TTLL6: variants seen among roughly 807,000 people sequenced by gnomAD.
TTLL6 encodes tubulin tyrosine ligase like 6, also known as tubulin polyglutamylase TTLL6.
Under a neutral mutation model 96.4 loss-of-function variants are expected in TTLL6, and 75 were observed. That is an observed-to-expected ratio of 0.78 (90% CI 0.65 to 0.94). The LOEUF is 0.94. Ranked by LOEUF, TTLL6 falls within the 40% of genes least tolerant of loss-of-function variation. The pLI, the probability that TTLL6 is intolerant of heterozygous loss-of-function variation, is 0.00. For missense variants in TTLL6, 1,030 were observed against 1,093.0 expected, an observed-to-expected ratio of 0.94 and a Z score of 0.81; for synonymous variants, 411 against 419.4, an observed-to-expected ratio of 0.98 and a Z score of 0.24.
chr17:48,804,618 A>T, intron 2 of TTLL6, 154 bp downstream of exon 2: 1 of 686,946 alleles, frequency 1.5e-6, no homozygotes, highest in Non-Finnish European at 2.6e-6. Flanking sequence ...TCGAAAGTAG[A>T]TTCTTTTTAT....
chr17:48,805,740 A>C (rs760502057), intron 1 of TTLL6, among the ~76,000 whole-genome samples: 4 of 152,220 alleles, frequency 2.6e-5, no homozygotes, highest in African/African-American at 4.8e-5. Context: ...TGGGAGGCCA[A>C]GGCGGGCAGA....
intron 6 of TTLL6, among the ~76,000 whole-genome samples, chr17:48,798,551 A>G (rs1296542103): frequency 6.6e-6 from 1 of 152,040 alleles, no homozygotes; most frequent in Non-Finnish European, 1.5e-5. Context: ...TGAGCAACAG[A>G]GTGAGGCTCT....
At chr17:48,778,767 T>G (rs1809763395) in intron 13 of TTLL6, among the ~76,000 whole-genome samples, 1 of 151,950 alleles carries the variant, frequency 6.6e-6, no homozygotes, top group Admixed American at 6.6e-5. Flanking sequence ...CCGTCTCTAC[T>G]AAAAATACAA....
chr17:48,815,947 G>C (rs1433463080), intron 1 of TTLL6: 1 of 152,196 alleles, frequency 6.6e-6, no homozygotes, highest in African/African-American at 2.4e-5. Flanking sequence ...AGATGGATCT[G>C]GATCCAAATC....
chr17:48,763,155 C>T (rs1359912799), intron 15 of TTLL6, among the ~76,000 whole-genome samples, 182 bp from the exon 16 acceptor site: 1 of 140,788 alleles, frequency 7.1e-6, no homozygotes, highest in Non-Finnish European at 1.6e-5. Context: ...AGCCTTCTTG[C>T]CTGAAATATT....
At position 48,773,296 on chromosome 17, in the gene TTLL6, A is replaced by G. The variant is rs2038788528; in HGVS notation, c.2041-3199T>C. ...GCAGCAAAAGATTTTGAATAATGGC[A>G]ATAAATTTCTCAAATTTGGTGAAAG... On this transcript the variant is annotated intron_variant, in intron 13 of 15. Coordinates refer to ENST00000393382, the MANE Select transcript of TTLL6 (RefSeq NM_001130918.3). Among the ~76,000 whole-genome samples the G allele has an allele frequency of 2.0e-5, 3 of 152,352 alleles. No homozygotes were observed. In the South Asian group the frequency reaches 6.2e-4, roughly 32 times the overall value.
At chr17:48,764,631 T>C (rs953258) in intron 15 of TTLL6, among the ~76,000 whole-genome samples, 42,572 of 152,016 alleles carry the variant, frequency 0.28, 7,090 homozygotes, top group South Asian at 0.39. Flanking sequence ...TCAACCATTA[T>C]TTATTGTGCA....
At chr17:48,788,693 T>C (rs1430444036) in intron 10 of TTLL6, among the ~76,000 whole-genome samples, 1 of 152,176 alleles carries the variant, frequency 6.6e-6, no homozygotes, top group Admixed American at 6.5e-5. Context: ...AGCTGTCATT[T>C]ACCAGCAGGG....
In TTLL6 at chr17:48,787,945, A is replaced by G. The variant is rs536053445; in HGVS notation, c.1455T>C (p.Tyr485=). 5.0e-6 allele frequency: 8 copies of G among 1,614,028 alleles called. No individual in the cohort carries two copies. In the African/African-American group the frequency reaches 1.1e-4, roughly 22 times the overall value. ...RAVQLKKTET[Y]EKENCGGFRL... ...GGAACCCTCCACAGTTTTCCTTCTC[A>G]TACGTTTCAGTTTTCTTTAACTGCA... is the stretch of plus-strand genomic sequence containing the variant. The change falls in exon 11 of 16, where the codon TAT becomes TAC. Residue 485 remains tyrosine, a synonymous_variant. Coordinates refer to ENST00000393382, the MANE Select transcript of TTLL6 (RefSeq NM_001130918.3).
At chr17:48,811,603 C>G (rs933413102) in intron 1 of TTLL6, among the ~76,000 whole-genome samples, 1 of 151,878 alleles carries the variant, frequency 6.6e-6, no homozygotes, top group Non-Finnish European at 1.5e-5. Context: ...CTATAGACAT[C>G]TGAATTTATA....
At chr17:48,802,238 AT>A (rs2039440081) in intron 3 of TTLL6, among the ~76,000 whole-genome samples, 1 of 152,126 alleles carries the variant, frequency 6.6e-6, no homozygotes, top group Non-Finnish European at 1.5e-5. Context: ...GAGGTGAATG[AT>A]TTCCCTGTTC....
At chr17:48,787,330 T>G (rs931158498) in intron 11 of TTLL6, among the ~76,000 whole-genome samples, 14 of 152,154 alleles carry the variant, frequency 9.2e-5, no homozygotes, top group Non-Finnish European at 1.2e-4. Context: ...CCACTTCACA[T>G]AGGGAATCTT....
intron 4 of TTLL6, 30 bp downstream of exon 4, chr17:48,801,495 T>C: frequency 6.4e-7 from 1 of 1,551,004 alleles, no homozygotes; most frequent in South Asian, 1.2e-5. Flanking sequence ...ATGGCACACT[T>C]AAACCAAGGA....
Position 48,786,185 on chromosome 17 carries a change from G to C in TTLL6, c.1740C>G (p.Ala580=), listed in dbSNP as rs141189437. 1 of 1,614,148 alleles carries C rather than the reference G, an allele frequency of 6.2e-7. No homozygotes were observed. Among genetic ancestry groups the C allele is most frequent in the East Asian group, 2.2e-5 (1 of 44,888 alleles). ...TTACCTGTTTGGAGGCTTGGGTGGC[G>C]GCCTTGTCTTTCTGCTGTTGTTTCT... is the stretch of plus-strand genomic sequence containing the variant. ...WQQKQQQKDK[A]ATQASKQYIQ... Residue 580 remains alanine, a synonymous_variant, in exon 12 of 16, where the codon GCC becomes GCG. Transcript: ENST00000393382.
At chr17:48,809,375 A>C (rs1156497779) in intron 1 of TTLL6, among the ~76,000 whole-genome samples, 1 of 152,154 alleles carries the variant, frequency 6.6e-6, no homozygotes, top group African/African-American at 2.4e-5. Context: ...CCACTCCCCT[A>C]GCCCTCCGCA....
In TTLL6 at chr17:48,785,175, G is replaced by A. The variant is rs554162772; in HGVS notation, c.1788C>T (p.Ser596=). The A allele has an allele frequency of 1.2e-6, 2 of 1,614,136 alleles. No homozygotes were observed. The highest frequency in any genetic ancestry group is 2.2e-5 in the East Asian group (1 of 44,876). ...KQYIQPLTLV[S]YTPDLLLSVR... ...CACTCAAGAGCAAGTCAGGTGTGTA[G>A]GATACTAATGTCAATGGCTGGATGT... The change falls in exon 13 of 16, where the codon TCC becomes TCT. Residue 596 remains serine, a synonymous_variant. Transcript: ENST00000393382.
intron 1 of TTLL6, chr17:48,812,409 T>G (rs1329947358): frequency 1.3e-5 from 2 of 152,192 alleles, no homozygotes; most frequent in African/African-American, 4.8e-5. Flanking sequence ...AGCTAAGAAC[T>G]CAGATTTCGA....
Position 48,817,080 on chromosome 17 carries a change from C to T in TTLL6, c.-8G>A, listed in dbSNP as rs1414347851. On this transcript the variant is annotated 5_prime_UTR_variant, in exon 1 of 16. Coordinates refer to ENST00000393382, the MANE Select transcript of TTLL6 (RefSeq NM_001130918.3). ...AAGGAGTAACGCTCCCATTGGCTGC[C>T]AGACAGCCCCAACCCCAACCCGCGC... The T allele has an allele frequency of 2.0e-6, 3 of 1,538,244 alleles. No individual in the cohort carries two copies. The highest frequency in any genetic ancestry group is 1.7e-6 in the Non-Finnish European group (2 of 1,143,338).
chr17:48,816,968 A>C lies in TTLL6; in HGVS notation c.103+2T>G, dbSNP rs374056961. The C allele has an allele frequency of 5.9e-5, 91 of 1,530,402 alleles. No homozygotes were observed. The African/African-American group carries it at 1.2e-3, about 20-fold the overall frequency. The allele number at this position is 1,530,402 out of a possible 1,614,324, so 94.8% of individuals were successfully genotyped here. ...CAGCACCGGGCTTTGGGGCGCTCTT[A>C]CCCGCAATTCCTACTCCCCCGTCTC... On this transcript the variant is annotated splice_donor_variant, in intron 1 of 15. Coordinates refer to ENST00000393382, the MANE Select transcript of TTLL6 (RefSeq NM_001130918.3). LOFTEE classifies it high-confidence loss of function.
Sources: gnomAD v4.1 joint callset for allele counts (sites outside exome capture counted in the v4.1 genomes callset) on GRCh38, gnomAD v4.1.1 for gene constraint, MANE v1.5 for transcripts, NCBI Gene and HGNC (gene_info 2026-07-23, HGNC 2026-07-21) for gene names.